The following TTC28 variants were observed in gnomAD, a reference collection of about 807,000 sequenced individuals.
TTC28 encodes tetratricopeptide repeat domain 28, also known as tetratricopeptide repeat protein 28.
In TTC28, 61 loss-of-function variants were observed where a neutral mutation model predicts 198.0. That is an observed-to-expected ratio of 0.31 (90% CI 0.25 to 0.38). TTC28 has a LOEUF of 0.38. Ranked by LOEUF, TTC28 falls within the 10% of genes least tolerant of loss-of-function variation. TTC28 has a pLI of 1.00. For missense variants in TTC28, 2,678 were observed against 3,164.0 expected, an observed-to-expected ratio of 0.85 and a Z score of 3.69; for synonymous variants, 1,171 against 1,297.8, an observed-to-expected ratio of 0.90 and a Z score of 2.10.
At chr22:28,164,020 C>G (rs1387633371) in intron 5 of TTC28, among the ~76,000 whole-genome samples, 1 of 152,238 alleles carries the variant, frequency 6.6e-6, no homozygotes, top group Non-Finnish European at 1.5e-5. Flanking sequence ...CTCAGAGGGT[C>G]CTATGCCCAT....
At chr22:28,634,671 C>T (rs956447892) in intron 1 of TTC28, among the ~76,000 whole-genome samples, 4 of 150,640 alleles carry the variant, frequency 2.7e-5, no homozygotes, top group Non-Finnish European at 4.4e-5. Context: ...CTGCAACCTT[C>T]GCCTCCAGGT....
chr22:28,454,628 T>G (rs17413405), intron 2 of TTC28, among the ~76,000 whole-genome samples: 8 of 152,206 alleles, frequency 5.3e-5, no homozygotes, highest in Admixed American at 3.3e-4. Context: ...ATGTCTTTTA[T>G]TGCAAGAACT....
At chr22:28,254,103 C>CAA (rs199693746) in intron 5 of TTC28, among the ~76,000 whole-genome samples, 11 of 86,840 alleles carry the variant, frequency 1.3e-4, no homozygotes, top group Admixed American at 4.1e-4. Context: ...GACTCCATCT[C>CAA]AAAAAAAAAA....
At chr22:28,267,057 TCAA>T (rs1931728451) in intron 5 of TTC28, among the ~76,000 whole-genome samples, 1 of 152,166 alleles carries the variant, frequency 6.6e-6, no homozygotes, top group African/African-American at 2.4e-5. Flanking sequence ...TTAGAAGGCA[TCAA>T]CAATATTGAA....
At chr22:28,230,882 CTG>C (rs1049743242) in intron 5 of TTC28, among the ~76,000 whole-genome samples, 3 of 152,144 alleles carry the variant, frequency 2.0e-5, no homozygotes, top group Non-Finnish European at 2.9e-5. Flanking sequence ...TTACTCAATT[CTG>C]TGTGTGAGGT....
chr22:28,359,758 T>C (rs553051095), intron 2 of TTC28, among the ~76,000 whole-genome samples: 2 of 152,320 alleles, frequency 1.3e-5, no homozygotes, highest in South Asian at 2.1e-4. Flanking sequence ...GCTACCCTAC[T>C]GGGCATTTTG....
chr22:28,204,278 T>C (rs769776561), intron 5 of TTC28, among the ~76,000 whole-genome samples: 25 of 152,154 alleles, frequency 1.6e-4, no homozygotes, highest in African/African-American at 2.2e-4. Context: ...TACACTGTGA[T>C]AGGATATCAG....
chr22:28,521,236 C>A (rs867108269), intron 2 of TTC28, among the ~76,000 whole-genome samples: 4 of 141,158 alleles, frequency 2.8e-5, no homozygotes, highest in African/African-American at 5.2e-5. Flanking sequence ...CTATCTCTAC[C>A]AAAAAAAAAA....
At chr22:28,301,556 C>T (rs1473758926) in intron 3 of TTC28, among the ~76,000 whole-genome samples, 1 of 152,166 alleles carries the variant, frequency 6.6e-6, no homozygotes, top group East Asian at 1.9e-4. Context: ...TACTGTATTT[C>T]ATCAGTTCAG....
At chr22:28,515,155 AT>A (rs1284216590) in intron 2 of TTC28, among the ~76,000 whole-genome samples, 2 of 152,326 alleles carry the variant, frequency 1.3e-5, no homozygotes, top group African/African-American at 4.8e-5. Flanking sequence ...TTTTAAATCA[AT>A]TATGAAATAA....
intron 2 of TTC28, among the ~76,000 whole-genome samples, chr22:28,583,130 G>T (rs1038386451): frequency 6.6e-6 from 1 of 151,822 alleles, no homozygotes; most frequent in Non-Finnish European, 1.5e-5. Context: ...ACCCACCCCC[G>T]CAATGCAACC....
At chr22:28,169,711 C>G (rs1184082507) in intron 5 of TTC28, among the ~76,000 whole-genome samples, 2 of 151,904 alleles carry the variant, frequency 1.3e-5, no homozygotes, top group Non-Finnish European at 2.9e-5. Context: ...GGGAGATATA[C>G]CTAATGCTAA....
At chr22:28,093,888 A>C (rs903839949) in intron 12 of TTC28, among the ~76,000 whole-genome samples, 192 bp downstream of exon 12, 1 of 152,216 alleles carries the variant, frequency 6.6e-6, no homozygotes, top group Non-Finnish European at 1.5e-5. Context: ...CACCAAAAAG[A>C]ATAAAGACAG....
At chr22:28,186,231 T>A (rs1246693556) in intron 5 of TTC28, among the ~76,000 whole-genome samples, 1 of 152,156 alleles carries the variant, frequency 6.6e-6, no homozygotes, top group Admixed American at 6.5e-5. Flanking sequence ...GATATAAAAA[T>A]TACCTTTGGA....
At chr22:28,115,337 C>G (rs1053124094) in intron 6 of TTC28, among the ~76,000 whole-genome samples, 1 of 152,158 alleles carries the variant, frequency 6.6e-6, no homozygotes, top group Admixed American at 6.5e-5. Context: ...AGTCCACACT[C>G]TTTTACCTTC....
chr22:28,649,248 A>C (rs768591676), intron 1 of TTC28, among the ~76,000 whole-genome samples: 1 of 152,180 alleles, frequency 6.6e-6, no homozygotes, highest in Non-Finnish European at 1.5e-5. Context: ...AAAAAACTAC[A>C]TATTGGATAT....
intron 6 of TTC28, among the ~76,000 whole-genome samples, chr22:28,126,293 G>GT (rs1383740311): frequency 1.3e-5 from 2 of 152,118 alleles, no homozygotes; most frequent in African/African-American, 2.4e-5. Flanking sequence ...CATCACAAAC[G>GT]TAACTATGGC....
chr22:28,331,197 A>T (rs2045610759), intron 2 of TTC28, among the ~76,000 whole-genome samples: 1 of 152,164 alleles, frequency 6.6e-6, no homozygotes, highest in Non-Finnish European at 1.5e-5. Flanking sequence ...CCTGAAGCTG[A>T]TAAAGGTTAA....
intron 12 of TTC28, among the ~76,000 whole-genome samples, chr22:28,081,017 G>A (rs1004575683): frequency 2.0e-5 from 3 of 151,590 alleles, no homozygotes; most frequent in Admixed American, 6.6e-5. Flanking sequence ...TTATTTCTGG[G>A]CTATTTATTC....
Sources: allele counts gnomAD v4.1 joint callset (sites outside exome capture counted in the v4.1 genomes callset), GRCh38; gene constraint gnomAD v4.1.1; transcripts MANE v1.5; gene names NCBI Gene and HGNC (gene_info 2026-07-23, HGNC 2026-07-21).